Variants in RECK observed in about 807,000 individuals in gnomAD.
RECK encodes reversion-inducing cysteine-rich protein with Kazal motifs.
Under a neutral mutation model 115.1 loss-of-function variants are expected in RECK, and 69 were observed. That is an observed-to-expected ratio of 0.60 (90% CI 0.49 to 0.73). The LOEUF (loss-of-function observed/expected upper bound fraction) is 0.73, where lower values mean the gene tolerates loss of function less well. Among genes scored for constraint, RECK ranks in the 30% least tolerant of loss-of-function variants. RECK has a pLI of 0.00. For missense variants in RECK, 1,047 were observed against 1,203.7 expected (o/e 0.87, Z 1.93); for synonymous variants, 414 against 419.7 (o/e 0.99, Z 0.17).
At chr9:36,045,388 AAC>A (rs1264058118) in intron 1 of RECK, among the ~76,000 whole-genome samples, 2 of 152,222 alleles carry the variant, frequency 1.3e-5, no homozygotes, top group African/African-American at 2.4e-5. Flanking sequence ...TACATTAAAA[AAC>A]AGATTTTTAA....
Position 36,108,062 on chromosome 9 carries a change from T to C in RECK, c.1663T>C (p.Tyr555His), listed in dbSNP as rs1234495756. 6.2e-7 allele frequency: 1 copy of C among 1,613,970 alleles called. No homozygotes were observed. The highest frequency in any genetic ancestry group is 1.3e-5 in the African/African-American group (1 of 74,946). ...ATCATCTGCAGGGGAAGTTGGTTGT[T>C]ATAAAATCTGTTCATGTGGACAAAG... ...VPSSAGEVGC[Y>H]KICSCGQSGL... Residue 555 changes from tyrosine (Y) to histidine (H), a missense_variant, in exon 14 of 21, where the codon TAT (tyrosine) becomes CAT (histidine). Coordinates refer to ENST00000377966, the MANE Select transcript of RECK (RefSeq NM_021111.3).
At position 36,121,702 on chromosome 9, in the gene RECK, ATGTT is replaced by A; in HGVS notation, c.2694+15_2694+18del. 6.2e-7 allele frequency: 1 copy of A among 1,611,358 alleles called. No homozygotes were observed. Among genetic ancestry groups the A allele is most frequent in the Non-Finnish European group, 8.5e-7 (1 of 1,178,344 alleles). On this transcript the variant is annotated intron_variant, in intron 20 of 20. Transcript: ENST00000377966. The stretch of plus-strand genomic sequence containing the variant: ...AAAGCTCTGCAGGTGAGTTCAGCAC[ATGTT>A]GTGAAGCCATCTTGTCACTTTCAAG...
At chr9:36,043,048 C>CG (rs1051953504) in intron 1 of RECK, among the ~76,000 whole-genome samples, 3 of 84,616 alleles carry the variant, frequency 3.5e-5, no homozygotes, top group African/African-American at 1.6e-4. Context: ...TTTGTTGAGA[C>CG]GGAGTCTCGC....
rs1198592447 is a variant in RECK, at chr9:36,124,108, G to A, written c.*1063G>A. ...AGAATTGTGGTTTATATATTTAAAA[G>A]TGTCAAGCTGAGTATTAAAATGTAT... On this transcript the variant is annotated 3_prime_UTR_variant, in exon 21 of 21. Transcript: ENST00000377966. The A allele has an allele frequency of 2.6e-5, 4 of 152,584 alleles. No individual in the cohort carries two copies. Among genetic ancestry groups the A allele is most frequent in the Admixed American group, 6.5e-5 (1 of 15,274 alleles). The allele number at this position is 152,584 out of a possible 1,614,324, so 9.5% of individuals were successfully genotyped here. A position where few individuals can be genotyped will look rare whatever the true frequency, so the allele number is the denominator to read the frequency against.
chr9:36,050,988 T>C (rs1821274557), intron 1 of RECK, among the ~76,000 whole-genome samples: 1 of 152,272 alleles, frequency 6.6e-6, no homozygotes, highest in South Asian at 2.1e-4. Context: ...TTCACATTCG[T>C]ATTCTCTCTC....
intron 12 of RECK, among the ~76,000 whole-genome samples, chr9:36,102,434 C>A (rs1289200630): frequency 6.6e-6 from 1 of 152,152 alleles, no homozygotes; most frequent in Non-Finnish European, 1.5e-5. Context: ...AGAAGTGATT[C>A]TATCAGTCTG....
At chr9:36,050,509 T>G (rs1324457) in intron 1 of RECK, among the ~76,000 whole-genome samples, 69,573 of 151,968 alleles carry the variant, frequency 0.46, 16,159 homozygotes, top group South Asian at 0.64. Flanking sequence ...CAAGACTACT[T>G]CAATAGCCTA....
At chr9:36,090,626 T>C (rs1166366142) in intron 9 of RECK, among the ~76,000 whole-genome samples, 2 of 152,308 alleles carry the variant, frequency 1.3e-5, no homozygotes, top group African/African-American at 4.8e-5. Flanking sequence ...GAAGATTGTG[T>C]ATTACAATAG....
intron 12 of RECK, among the ~76,000 whole-genome samples, chr9:36,102,562 G>A (rs992124304): frequency 5.9e-5 from 9 of 152,132 alleles, no homozygotes; most frequent in Non-Finnish European, 1.0e-4. Context: ...ACTAGAAAGT[G>A]GAATTTACCC....
chr9:36,122,724 T>C (rs1320499715), intron 20 of RECK, 100 bp from the exon 21 acceptor site: 1 of 876,946 alleles, frequency 1.1e-6, no homozygotes, highest in Non-Finnish European at 1.8e-6. Flanking sequence ...AAATGCCCTC[T>C]GAGGCCACGC....
intron 17 of RECK, among the ~76,000 whole-genome samples, chr9:36,118,519 C>T (rs1824347625): frequency 6.6e-6 from 1 of 152,130 alleles, no homozygotes; most frequent in South Asian, 2.1e-4. Context: ...GGAATAAGCA[C>T]CCAGATCCCA....
At chr9:36,087,380 C>G (rs1477745573) in intron 8 of RECK, among the ~76,000 whole-genome samples, 1 of 152,144 alleles carries the variant, frequency 6.6e-6, no homozygotes, top group African/African-American at 2.4e-5. Context: ...TCTCAGCAAA[C>G]TAACACAAGA....
chr9:36,042,779 T>C (rs1820918635), intron 1 of RECK, among the ~76,000 whole-genome samples: 2 of 152,176 alleles, frequency 1.3e-5, no homozygotes, highest in African/African-American at 4.8e-5. Flanking sequence ...GTTATACTCA[T>C]TTACATTCCT....
At chr9:36,065,055 A>G (rs1821931876) in intron 5 of RECK, among the ~76,000 whole-genome samples, 1 of 152,110 alleles carries the variant, frequency 6.6e-6, no homozygotes, top group Non-Finnish European at 1.5e-5. Flanking sequence ...CTTACACAAA[A>G]ATAACTTGTT....
chr9:36,083,417 C>T lies in RECK; in HGVS notation c.492C>T (p.Tyr164=), dbSNP rs773305752. 1 of 1,614,066 alleles carries T rather than the reference C, an allele frequency of 6.2e-7. No homozygotes were observed. The highest frequency in any genetic ancestry group is 1.7e-5 in the Admixed American group (1 of 60,008). Reference sequence around the variant, plus strand: ...GTCATCACACAAACTGCCGAGAATACTGTCAAGCCATTTTTCGAACAGACT... The same window carrying T: ...GTCATCACACAAACTGCCGAGAATATTGTCAAGCCATTTTTCGAACAGACT... ...YAGHHTNCRE[Y]CQAIFRTDSS... is the part of the protein sequence containing the mutation. The change falls in exon 8 of 21, where the codon TAC becomes TAT. Residue 164 remains tyrosine (Y), a synonymous_variant. Transcript: ENST00000377966.
chr9:36,037,183 G>T (rs13300820), intron 1 of RECK, 85 bp downstream of exon 1: 5 of 971,326 alleles, frequency 5.1e-6, no homozygotes, highest in African/African-American at 1.7e-5. Context: ...GGGGGCGGGG[G>T]TGCGCGCGAC....
At chr9:36,042,285 C>A (rs907537631) in intron 1 of RECK, among the ~76,000 whole-genome samples, 1 of 151,934 alleles carries the variant, frequency 6.6e-6, no homozygotes, top group Non-Finnish European at 1.5e-5. Flanking sequence ...AGCTTAGCTG[C>A]CACTTGATAA....
At chr9:36,047,683 T>C (rs1821118056) in intron 1 of RECK, among the ~76,000 whole-genome samples, 2 of 152,146 alleles carry the variant, frequency 1.3e-5, no homozygotes, top group African/African-American at 2.4e-5. Flanking sequence ...CTTACTACAA[T>C]CAAGGCACCT....
intron 3 of RECK, among the ~76,000 whole-genome samples, chr9:36,059,446 A>G (rs1184870354): frequency 7.9e-6 from 1 of 126,514 alleles, no homozygotes; most frequent in Non-Finnish European, 1.7e-5. Context: ...GCAGAGTAAG[A>G]CTCCGTCTCA....
Sources: allele counts gnomAD v4.1 joint callset (sites outside exome capture counted in the v4.1 genomes callset), GRCh38; gene constraint gnomAD v4.1.1; transcripts MANE v1.5; gene names NCBI Gene and HGNC (gene_info 2026-07-23, HGNC 2026-07-21).